The following ABCB11 variants were observed in gnomAD, a reference collection of about 807,000 sequenced individuals.
ABCB11 encodes bile salt export pump.
Under a neutral mutation model 148.0 loss-of-function variants are expected in ABCB11, and 95 were observed. The observed-to-expected ratio is 0.64, with a 90% CI of 0.54 to 0.76. The LOEUF (loss-of-function observed/expected upper bound fraction) is 0.76, where lower values mean the gene tolerates loss of function less well. Among genes scored for constraint, ABCB11 ranks in the 30% least tolerant of loss-of-function variants. ABCB11 has a pLI of 0.00. For synonymous variants in ABCB11, 591 were observed against 555.4 expected, an observed-to-expected ratio of 1.06 and a Z score of -0.90; for missense variants, 1,523 against 1,617.8, an observed-to-expected ratio of 0.94 and a Z score of 1.01.
At chr2:169,010,630 C>G (rs1695153198) in intron 5 of ABCB11, among the ~76,000 whole-genome samples, 1 of 152,152 alleles carries the variant, frequency 6.6e-6, no homozygotes, top group Non-Finnish European at 1.5e-5. Flanking sequence ...AACCTGCAAA[C>G]AGTTTGGGCG....
chr2:168,936,898 T>A (rs138476765), intron 21 of ABCB11, among the ~76,000 whole-genome samples: 7 of 152,300 alleles, frequency 4.6e-5, no homozygotes, highest in African/African-American at 1.7e-4. Flanking sequence ...GTTTATTTTA[T>A]TTTATTTTGA....
intron 22 of ABCB11, among the ~76,000 whole-genome samples, 200 bp from the exon 23 acceptor site, chr2:168,935,625 C>A (rs915340581): frequency 1.3e-5 from 2 of 152,186 alleles, no homozygotes; most frequent in Non-Finnish European, 2.9e-5. Context: ...ATTCAAGTTT[C>A]CCTTAATTCT....
At chr2:168,951,045 A>G (rs998759106) in intron 19 of ABCB11, among the ~76,000 whole-genome samples, 6 of 151,566 alleles carry the variant, frequency 4.0e-5, no homozygotes, top group Admixed American at 1.3e-4. Flanking sequence ...CACTTCTTCA[A>G]TGAATATTTT....
intron 5 of ABCB11, among the ~76,000 whole-genome samples, chr2:169,010,883 A>T (rs1045361312): frequency 2.0e-5 from 3 of 152,204 alleles, no homozygotes; most frequent in African/African-American, 7.2e-5. Flanking sequence ...AATTTCAGCT[A>T]TCTGTATGAA....
intron 19 of ABCB11, among the ~76,000 whole-genome samples, chr2:168,950,535 G>C (rs929220617): frequency 6.6e-6 from 1 of 151,720 alleles, no homozygotes; most frequent in Non-Finnish European, 1.5e-5. Context: ...ATGATGATTA[G>C]TGATGTTGAG....
At chr2:168,934,929 T>C (rs1691746505) in intron 23 of ABCB11, among the ~76,000 whole-genome samples, 1 of 152,162 alleles carries the variant, frequency 6.6e-6, no homozygotes, top group East Asian at 1.9e-4. Flanking sequence ...TCTGAGGCCA[T>C]AATATGAAGA....
intron 5 of ABCB11, among the ~76,000 whole-genome samples, chr2:169,009,390 A>C (rs1161737579): frequency 6.6e-6 from 1 of 152,102 alleles, no homozygotes; most frequent in East Asian, 1.9e-4. Flanking sequence ...ATGGAATACT[A>C]TGCAGCCATA....
At chr2:169,008,583 A>G (rs898879713) in intron 5 of ABCB11, among the ~76,000 whole-genome samples, 1 of 152,180 alleles carries the variant, frequency 6.6e-6, no homozygotes, top group Non-Finnish European at 1.5e-5. Context: ...AGGGATAAGG[A>G]CCTGGATATC....
rs748499277 is a variant in ABCB11, at chr2:168,927,285, T to G, written c.3489A>C (p.Pro1163=). The G allele has an allele frequency of 1.9e-6, 3 of 1,613,812 alleles. No individual in the cohort carries two copies. Among genetic ancestry groups the G allele is most frequent in the African/African-American group, 1.3e-5 (1 of 74,920 alleles). ...CCATTATGCTACAGGCAAACAACACTGGTTCCTGGGAAACAATTCCAATGT... is the reference window on the plus strand; with the variant it reads ...CCATTATGCTACAGGCAAACAACACGGGTTCCTGGGAAACAATTCCAATGT... ...RSNIGIVSQE[P]VLFACSIMDN... is the part of the protein sequence containing the mutation. The change falls in exon 26 of 28, where the codon CCA becomes CCC. Residue 1163 remains proline (P), a synonymous_variant. Transcript: ENST00000650372.
chr2:168,932,875 C>G (rs569541916), intron 23 of ABCB11, among the ~76,000 whole-genome samples: 1 of 151,902 alleles, frequency 6.6e-6, no homozygotes, highest in Non-Finnish European at 1.5e-5. Flanking sequence ...CTTGGGAGGC[C>G]GAGGCGGGCG....
intron 1 of ABCB11, among the ~76,000 whole-genome samples, chr2:169,025,487 C>G (rs566904918): frequency 6.6e-6 from 1 of 152,102 alleles, no homozygotes; most frequent in Non-Finnish European, 1.5e-5. Context: ...GCTTAAAGAC[C>G]GAGTCCTCCC....
At chr2:168,951,511 T>C (rs1692569163) in intron 19 of ABCB11, among the ~76,000 whole-genome samples, 3 of 151,574 alleles carry the variant, frequency 2.0e-5, no homozygotes, top group Non-Finnish European at 1.5e-5. Context: ...TTTGTAGCTA[T>C]TGTAAATGGG....
chr2:169,031,273 T>C lies in ABCB11; in HGVS notation c.-76A>G, dbSNP rs1214313695. The C allele has an allele frequency of 6.6e-6, 1 of 152,216 alleles. No homozygotes were observed. Among genetic ancestry groups the C allele is most frequent in the Non-Finnish European group, 1.5e-5 (1 of 68,044 alleles). The allele number at this position is 152,216 out of a possible 1,614,324, so 9.4% of individuals were successfully genotyped here. On this transcript the variant is annotated 5_prime_UTR_variant, in exon 1 of 28. Transcript: ENST00000650372. ...CCAGAGGAAATAATGGACTCCACTG[T>C]GGAGAGTTAAAAGGTTTCACAACCT...
At chr2:168,939,466 C>T (rs1311293407) in intron 21 of ABCB11, among the ~76,000 whole-genome samples, 1 of 152,072 alleles carries the variant, frequency 6.6e-6, no homozygotes, top group African/African-American at 2.4e-5. Context: ...GAACACTACA[C>T]ATAATATGGT....
At chr2:169,023,691 C>T (rs917596993) in intron 1 of ABCB11, among the ~76,000 whole-genome samples, 3 of 152,112 alleles carry the variant, frequency 2.0e-5, no homozygotes, top group Non-Finnish European at 4.4e-5. Flanking sequence ...ATTGTGTTAC[C>T]TGCAAATCAC....
In ABCB11 at chr2:168,944,970, G is replaced by A; in HGVS notation, c.2344-9C>T. 6.7e-7 allele frequency: 1 copy of A among 1,502,514 alleles called. No homozygotes were observed. The highest frequency in any genetic ancestry group is 1.4e-5 in the African/African-American group (1 of 71,096). 93.1% of individuals were successfully genotyped at this position (1,502,514 alleles called of 1,614,324 possible). A position where few individuals can be genotyped will look rare whatever the true frequency, so the allele number is the denominator to read the frequency against. On this transcript the variant is annotated splice_polypyrimidine_tract_variant and intron_variant, in intron 19 of 27. Transcript: ENST00000650372. ...TCAGGAATTGAAAAAGTCTTGGAAA[G>A]ATAGTAAACAAGAAAGTAACTTTAT...
In ABCB11 at chr2:168,924,782, A is replaced by G; in HGVS notation, c.3640T>C (p.Ser1214Pro). 13 of 1,611,020 alleles carry G rather than the reference A, an allele frequency of 8.1e-6. No homozygotes were observed. Among genetic ancestry groups the G allele is most frequent in the Non-Finnish European group, 1.0e-5 (12 of 1,178,846 alleles). ...CCTCTAGAGAGTTGAGACCCCTGGG[A>G]CCCAACGTTAGTTTCATATTTCTGA... ...LPEKYETNVG[S>P]QGSQLSRGEK... The change falls in exon 27 of 28, where the codon TCC (serine) becomes CCC (proline). Residue 1214 changes from serine (S) to proline (P), a missense_variant. Coordinates refer to ENST00000650372, the MANE Select transcript of ABCB11 (RefSeq NM_003742.4).
intron 23 of ABCB11, 72 bp downstream of exon 23, chr2:168,935,112 G>A (rs1691755723): frequency 6.3e-7 from 1 of 1,580,826 alleles, no homozygotes. Flanking sequence ...GCAGCAAAAA[G>A]CTAACTGACA....
intron 5 of ABCB11, 97 bp downstream of exon 5, chr2:169,013,175 C>A: frequency 2.4e-6 from 2 of 847,902 alleles, no homozygotes; most frequent in South Asian, 1.9e-5. Flanking sequence ...TGTTAGATAC[C>A]ACTCCAGCTC....
Sources: gnomAD v4.1 joint callset for allele counts (sites outside exome capture counted in the v4.1 genomes callset) on GRCh38, gnomAD v4.1.1 for gene constraint, MANE v1.5 for transcripts, NCBI Gene and HGNC (gene_info 2026-07-23, HGNC 2026-07-21) for gene names.